Variants in USP6NL observed in about 807,000 individuals in gnomAD.
The protein encoded by USP6NL is USP6 N-terminal like.
A neutral mutation model predicts 61.9 loss-of-function variants in USP6NL; 26 were observed. That is an observed-to-expected ratio of 0.42 (90% CI 0.31 to 0.58). USP6NL has a LOEUF of 0.58. USP6NL is among the 20% of genes least tolerant of loss of function. USP6NL has a pLI of 0.16. For synonymous variants in USP6NL, 432 were observed against 390.1 expected, an observed-to-expected ratio of 1.11 and a Z score of -1.27; for missense variants, 1,114 against 1,034.3, an observed-to-expected ratio of 1.08 and a Z score of -1.06.
intron 2 of USP6NL, among the ~76,000 whole-genome samples, chr10:11,536,575 G>T (rs564485192): frequency 1.3e-5 from 2 of 152,076 alleles, no homozygotes; most frequent in Non-Finnish European, 2.9e-5. Flanking sequence ...TTAAAAACCC[G>T]CTTGTAACTG....
In USP6NL at chr10:11,495,923, G is replaced by C. The variant is rs548507184; in HGVS notation, c.385-2695C>G. Among the ~76,000 whole-genome samples the C allele has an allele frequency of 4.1e-4, 63 of 152,310 alleles. 1 individual carries two copies. In the South Asian group the frequency reaches 0.011, roughly 26 times the overall value. ...GTGATCCTGCTCGTGGAGGCATGTG[G>C]CCAAGCAGTTGGACTGGGGTTCCCT... is the stretch of plus-strand genomic sequence containing the variant. On this transcript the variant is annotated intron_variant, in intron 7 of 14. Coordinates refer to ENST00000609104, the MANE Select transcript of USP6NL (RefSeq NM_014688.5). The surrounding 1 kb of genome is among the most constrained non-coding windows in gnomAD (Gnocchi z 4.6).
Position 11,600,053 on chromosome 10 carries a change from C to G in USP6NL, c.-83-2336G>C, listed in dbSNP as rs1838468071. ...AGGAGAAAATGTTTAGACTCCCTTT[C>G]TCCTCCCCTAAATGCTACTTTTGCA... On this transcript the variant is annotated intron_variant, in intron 1 of 14. Transcript: ENST00000609104. This position sits in a 1 kb window ranked among gnomAD's most constrained non-coding sequence, Gnocchi z 4.1. 6.6e-6 allele frequency among the ~76,000 whole-genome samples: 1 copy of G among 152,118 alleles called. No homozygotes were observed.
intron 2 of USP6NL, among the ~76,000 whole-genome samples, chr10:11,551,868 C>A (rs1343624892): frequency 1.3e-5 from 2 of 152,206 alleles, no homozygotes; most frequent in East Asian, 3.9e-4. Flanking sequence ...ATAGTTGGGG[C>A]AGCTCAATTG....
intron 7 of USP6NL, among the ~76,000 whole-genome samples, chr10:11,497,898 C>T (rs573838913): frequency 1.3e-5 from 2 of 151,908 alleles, no homozygotes; most frequent in African/African-American, 4.8e-5. Flanking sequence ...CAAATGAACC[C>T]ATAAACCTGA....
Position 11,476,653 on chromosome 10 carries a change from C to T in USP6NL, c.1078+5117G>A, listed in dbSNP as rs1314002474. Among the ~76,000 whole-genome samples, 1 of 152,014 alleles carries T rather than the reference C, an allele frequency of 6.6e-6. No homozygotes were observed. The highest frequency in any genetic ancestry group is 2.4e-5 in the African/African-American group (1 of 41,394). ...TAAGTAAAATAAAAGATGCCAAACC[C>T]ACACACAAAAACCCCCACAAAACTC... On this transcript the variant is annotated intron_variant, in intron 14 of 14. Transcript: ENST00000609104. This position sits in a 1 kb window ranked among gnomAD's most constrained non-coding sequence, Gnocchi z 4.3.
Position 11,543,629 on chromosome 10 carries a change from G to A in USP6NL, c.5-16062C>T, listed in dbSNP as rs114710865. Among the ~76,000 whole-genome samples the A allele has an allele frequency of 2.2e-3, 332 of 151,812 alleles. 1 individual carries two copies. Among genetic ancestry groups the A allele is most frequent in the African/African-American group, 7.7e-3 (321 of 41,424 alleles). On this transcript the variant is annotated intron_variant, in intron 2 of 14. Coordinates refer to ENST00000609104, the MANE Select transcript of USP6NL (RefSeq NM_014688.5). ...TATCTTCCTAATAGGGAATATATTC[G>A]AGAAAAATAACAGTAGTAGAATGTA...
chr10:11,480,279 T>C (rs763841305), intron 14 of USP6NL, among the ~76,000 whole-genome samples: 6 of 152,178 alleles, frequency 3.9e-5, no homozygotes, highest in Non-Finnish European at 8.8e-5. Context: ...ACCCAATAAA[T>C]ATTAGCTGCT....
rs1399110394 is a variant in USP6NL, at chr10:11,496,591, A to T, written c.385-3363T>A. On this transcript the variant is annotated intron_variant, in intron 7 of 14. Transcript: ENST00000609104. The surrounding 1 kb of genome is among the most constrained non-coding windows in gnomAD (Gnocchi z 5.4). ...AATCTCCCATGTTTAAACAGATGGG[A>T]GATTAAAATTTAACCATGTTTAATA... Among the ~76,000 whole-genome samples, 1 of 152,202 alleles carries T rather than the reference A, an allele frequency of 6.6e-6. No homozygotes were observed. Among genetic ancestry groups the T allele is most frequent in the Non-Finnish European group, 1.5e-5 (1 of 68,036 alleles).
chr10:11,583,378 G>A lies in USP6NL; in HGVS notation c.4+14253C>T, dbSNP rs561586872. Among the ~76,000 whole-genome samples, 4 of 151,636 alleles carry A rather than the reference G, an allele frequency of 2.6e-5. No individual in the cohort carries two copies. The East Asian group carries it at 5.8e-4, about 22-fold the overall frequency. On this transcript the variant is annotated intron_variant, in intron 2 of 14. Coordinates refer to ENST00000609104, the MANE Select transcript of USP6NL (RefSeq NM_014688.5). ...AAATTTTTTTTTGTATTTTTAGTAG[G>A]GACGGGGTTTCACCGTGTTAGCCAG...
At position 11,553,471 on chromosome 10, in the gene USP6NL, T is replaced by C. The variant is rs926566541; in HGVS notation, c.5-25904A>G. 9.2e-5 allele frequency among the ~76,000 whole-genome samples: 14 copies of C among 152,236 alleles called. No individual in the cohort carries two copies. The highest frequency in any genetic ancestry group is 2.7e-4 in the African/African-American group (11 of 41,456). ...GACTACTCACTCAGGTGACCTGTTATGTATGCCAAAACTAAATAAAAGGCT... is the reference window on the plus strand; with the variant it reads ...GACTACTCACTCAGGTGACCTGTTACGTATGCCAAAACTAAATAAAAGGCT... On this transcript the variant is annotated intron_variant, in intron 2 of 14. Coordinates refer to ENST00000609104, the MANE Select transcript of USP6NL (RefSeq NM_014688.5). The surrounding 1 kb of genome is among the most constrained non-coding windows in gnomAD (Gnocchi z 4.8).
At chr10:11,586,700 C>T (rs1294279876) in intron 2 of USP6NL, among the ~76,000 whole-genome samples, 1 of 151,874 alleles carries the variant, frequency 6.6e-6, no homozygotes, top group African/African-American at 2.4e-5. Context: ...TGGTTAACAA[C>T]AAGAAAAGGG....
rs1837934877 is a variant in USP6NL at position 11,585,595 on chromosome 10, G to A, written c.4+12036C>T. ...GGGAATGGCGCGAACCCGGGATGCG[G>A]AGCTTTCAGTGAGCCGTGATCAAGG... On this transcript the variant is annotated intron_variant, in intron 2 of 14. Coordinates refer to ENST00000609104, the MANE Select transcript of USP6NL (RefSeq NM_014688.5). The surrounding 1 kb of genome is among the most constrained non-coding windows in gnomAD (Gnocchi z 4.5). 6.6e-6 allele frequency among the ~76,000 whole-genome samples: 1 copy of A among 152,130 alleles called. No individual in the cohort carries two copies.
In USP6NL at chr10:11,511,828, TACACAC is replaced by T. The variant is rs55781528; in HGVS notation, c.196-2159_196-2154del. Among the ~76,000 whole-genome samples the T allele has an allele frequency of 1.3e-5, 2 of 149,796 alleles. No homozygotes were observed. Among genetic ancestry groups the T allele is most frequent in the African/African-American group, 2.5e-5 (1 of 40,778 alleles). On this transcript the variant is annotated intron_variant, in intron 5 of 14. Transcript: ENST00000609104. This position sits in a 1 kb window ranked among gnomAD's most constrained non-coding sequence, Gnocchi z 4.9. ...AAATAAAATAAAATAATATATATTA[TACACAC>T]ACACACACACACACACCCCTTGGGA... is the stretch of plus-strand genomic sequence containing the variant.
At chr10:11,607,856 A>C (rs940837210) in intron 1 of USP6NL, among the ~76,000 whole-genome samples, 1 of 152,222 alleles carries the variant, frequency 6.6e-6, no homozygotes, top group African/African-American at 2.4e-5. Context: ...TGAAAGGAAA[A>C]TTCCAGGATA....
At position 11,510,656 on chromosome 10, in the gene USP6NL, A is replaced by G. The variant is rs1834668977; in HGVS notation, c.196-981T>C. ...GCCCATGAGTAGTAAGTATATGAATAAAAAGCAATGAAAATACAAGTCTAC... is the reference window on the plus strand; with the variant it reads ...GCCCATGAGTAGTAAGTATATGAATGAAAAGCAATGAAAATACAAGTCTAC... On this transcript the variant is annotated intron_variant, in intron 5 of 14. Coordinates refer to ENST00000609104, the MANE Select transcript of USP6NL (RefSeq NM_014688.5). This position sits in a 1 kb window ranked among gnomAD's most constrained non-coding sequence, Gnocchi z 4.8. 6.6e-6 allele frequency among the ~76,000 whole-genome samples: 1 copy of G among 152,242 alleles called. No individual in the cohort carries two copies. The highest frequency in any genetic ancestry group is 2.1e-4 in the South Asian group (1 of 4,834).
At chr10:11,521,623 G>A (rs969719063) in intron 4 of USP6NL, among the ~76,000 whole-genome samples, 4 of 151,914 alleles carry the variant, frequency 2.6e-5, no homozygotes, top group South Asian at 2.1e-4. Context: ...CTCGTGATCC[G>A]CCCGCCTGGG....
intron 14 of USP6NL, among the ~76,000 whole-genome samples, chr10:11,464,786 T>C (rs1326249340): frequency 1.3e-5 from 2 of 152,268 alleles, no homozygotes; most frequent in African/African-American, 4.8e-5. Flanking sequence ...TATTTTATAA[T>C]ATGTGGACCA....
Position 11,476,049 on chromosome 10 carries a change from T to C in USP6NL, c.1078+5721A>G, listed in dbSNP as rs1832956907. Among the ~76,000 whole-genome samples the C allele has an allele frequency of 6.6e-6, 1 of 152,098 alleles. No homozygotes were observed. Among genetic ancestry groups the C allele is most frequent in the Non-Finnish European group, 1.5e-5 (1 of 68,018 alleles). ...TGTGCTCTTCAGCAGCTCAGTGTCATTCAGAGGAAAACAAAAGGTGGGGTG... is the reference window on the plus strand; with the variant it reads ...TGTGCTCTTCAGCAGCTCAGTGTCACTCAGAGGAAAACAAAAGGTGGGGTG... On this transcript the variant is annotated intron_variant, in intron 14 of 14. Transcript: ENST00000609104. This position sits in a 1 kb window ranked among gnomAD's most constrained non-coding sequence, Gnocchi z 4.3.
intron 2 of USP6NL, among the ~76,000 whole-genome samples, chr10:11,542,170 T>C (rs1566169056): frequency 6.6e-6 from 1 of 152,160 alleles, no homozygotes; most frequent in African/African-American, 2.4e-5. Flanking sequence ...CTTTCTAATA[T>C]TCATTAATTC....
Sources: gnomAD v4.1 joint callset for allele counts (sites outside exome capture counted in the v4.1 genomes callset) on GRCh38, gnomAD v4.1.1 for gene constraint, Gnocchi (gnomAD v3.1) non-coding constraint, MANE v1.5 for transcripts, NCBI Gene and HGNC (gene_info 2026-07-23, HGNC 2026-07-21) for gene names.